Variants in UNC5D observed in about 807,000 individuals in gnomAD.
UNC5D encodes unc-5 netrin receptor D.
Under a neutral mutation model 105.4 loss-of-function variants are expected in UNC5D, and 39 were observed. That is an observed-to-expected ratio of 0.37 (90% CI 0.29 to 0.48). UNC5D has a LOEUF of 0.48. Ranked by LOEUF, UNC5D falls within the 20% of genes least tolerant of loss-of-function variation. UNC5D has a pLI of 0.98. For missense variants in UNC5D, 991 were observed against 1,202.4 expected, an observed-to-expected ratio of 0.82 and a Z score of 2.60; for synonymous variants, 452 against 450.4, an observed-to-expected ratio of 1.00 and a Z score of -0.04.
intron 1 of UNC5D, among the ~76,000 whole-genome samples, chr8:35,316,176 T>C (rs1809292675): frequency 1.3e-5 from 2 of 152,236 alleles, no homozygotes; most frequent in Admixed American, 1.3e-4. Flanking sequence ...ATTAAGGAAA[T>C]ACGTGGAAAA....
chr8:35,475,567 C>T (rs1364082606), intron 1 of UNC5D, among the ~76,000 whole-genome samples: 1 of 152,154 alleles, frequency 6.6e-6, no homozygotes, highest in Non-Finnish European at 1.5e-5. Context: ...GCTGTTTTTG[C>T]CAGTACTGGC....
intron 11 of UNC5D, among the ~76,000 whole-genome samples, chr8:35,747,097 TG>T (rs1830047153): frequency 6.6e-6 from 1 of 152,220 alleles, no homozygotes; most frequent in African/African-American, 2.4e-5. Flanking sequence ...TTTTGGACTG[TG>T]GTTACTTTTG....
intron 10 of UNC5D, chr8:35,726,880 C>G (rs1392207227): frequency 1.1e-5 from 3 of 277,174 alleles, no homozygotes; most frequent in Non-Finnish European, 2.1e-5. Context: ...CATGACAGAC[C>G]AGGGCCCCAT....
At chr8:35,633,049 A>G (rs963061622) in intron 4 of UNC5D, among the ~76,000 whole-genome samples, 3 of 152,150 alleles carry the variant, frequency 2.0e-5, no homozygotes, top group Admixed American at 1.3e-4. Context: ...TGTCCCTGGT[A>G]ATTTCCTCCA....
At chr8:35,259,747 CTT>C (rs75188468) in intron 1 of UNC5D, among the ~76,000 whole-genome samples, 27 of 137,770 alleles carry the variant, frequency 2.0e-4, no homozygotes, top group African/African-American at 1.6e-4. Flanking sequence ...GCTGACTGAT[CTT>C]TTTTTTTTTT....
At chr8:35,456,224 G>T (rs943669952) in intron 1 of UNC5D, among the ~76,000 whole-genome samples, 4 of 152,026 alleles carry the variant, frequency 2.6e-5, no homozygotes, top group Non-Finnish European at 5.9e-5. Context: ...TTCCAATCCG[G>T]ATTACTAAAC....
At chr8:35,468,785 GAAAACA>G in intron 1 of UNC5D, among the ~76,000 whole-genome samples, 1 of 152,256 alleles carries the variant, frequency 6.6e-6, no homozygotes, top group African/African-American at 2.4e-5. Flanking sequence ...TGGTGTCATT[GAAAACA>G]CCTCCTGGCA....
chr8:35,591,110 T>G (rs1318400531), intron 3 of UNC5D, among the ~76,000 whole-genome samples: 1 of 152,286 alleles, frequency 6.6e-6, no homozygotes, highest in East Asian at 1.9e-4. Context: ...ATTGGTTAGT[T>G]TATTTTACAA....
intron 1 of UNC5D, among the ~76,000 whole-genome samples, chr8:35,327,716 G>C (rs910829872): frequency 6.6e-6 from 1 of 152,302 alleles, no homozygotes; most frequent in Non-Finnish European, 1.5e-5. Flanking sequence ...TGCAGTTGTA[G>C]AGCTGTGACT....
At chr8:35,573,101 C>T (rs1047856818) in intron 3 of UNC5D, among the ~76,000 whole-genome samples, 7 of 152,186 alleles carry the variant, frequency 4.6e-5, no homozygotes, top group South Asian at 2.1e-4. Flanking sequence ...CCGCGCCTAG[C>T]GCAATTTTAT....
At chr8:35,535,944 A>G (rs1257987680) in intron 1 of UNC5D, among the ~76,000 whole-genome samples, 1 of 152,222 alleles carries the variant, frequency 6.6e-6, no homozygotes, top group Non-Finnish European at 1.5e-5. Flanking sequence ...GGAAGAATAT[A>G]GAAGCTAAGG....
intron 4 of UNC5D, among the ~76,000 whole-genome samples, chr8:35,601,143 T>A (rs1819852249): frequency 6.6e-6 from 1 of 152,198 alleles, no homozygotes; most frequent in African/African-American, 2.4e-5. Context: ...GGCTCCGTTC[T>A]GTTCCATTGT....
At chr8:35,482,849 C>T (rs1381962818) in intron 1 of UNC5D, among the ~76,000 whole-genome samples, 2 of 130,756 alleles carry the variant, frequency 1.5e-5, no homozygotes, top group Non-Finnish European at 3.1e-5. Context: ...GTCCCCCAGG[C>T]TGGAGAGTGA....
At chr8:35,642,531 T>C (rs1046663262) in intron 4 of UNC5D, among the ~76,000 whole-genome samples, 1 of 152,048 alleles carries the variant, frequency 6.6e-6, no homozygotes, top group African/African-American at 2.4e-5. Context: ...ACTCAGGCTT[T>C]AAGTAGGGGG....
chr8:35,458,180 C>G (rs1808629329), intron 1 of UNC5D, among the ~76,000 whole-genome samples: 1 of 152,156 alleles, frequency 6.6e-6, no homozygotes, highest in Non-Finnish European at 1.5e-5. Flanking sequence ...AGAGGTTGCC[C>G]AGGGCAAGCT....
chr8:35,717,556 C>T (rs922672557), intron 8 of UNC5D, among the ~76,000 whole-genome samples: 1 of 152,060 alleles, frequency 6.6e-6, no homozygotes, highest in Non-Finnish European at 1.5e-5. Flanking sequence ...CCAGCTTTGG[C>T]CAAAAAACTA....
intron 1 of UNC5D, among the ~76,000 whole-genome samples, chr8:35,368,754 G>A (rs1191831428): frequency 2.0e-5 from 3 of 152,042 alleles, no homozygotes; most frequent in East Asian, 1.9e-4. Context: ...AAGAGGTCAC[G>A]TGGGTGGTAC....
chr8:35,245,359 G>T (rs1803028213), intron 1 of UNC5D, among the ~76,000 whole-genome samples: 1 of 152,046 alleles, frequency 6.6e-6, no homozygotes, highest in South Asian at 2.1e-4. Flanking sequence ...TAAGCCTTTT[G>T]AAAGGAACTG....
chr8:35,403,760 T>G (rs978626300), intron 1 of UNC5D, among the ~76,000 whole-genome samples: 3 of 152,200 alleles, frequency 2.0e-5, no homozygotes, highest in African/African-American at 7.2e-5. Context: ...AAAATTCTGC[T>G]GCTAATATAG....
Sources: allele counts gnomAD v4.1 joint callset (sites outside exome capture counted in the v4.1 genomes callset), GRCh38; gene constraint gnomAD v4.1.1; transcripts MANE v1.5; gene names NCBI Gene and HGNC (gene_info 2026-07-23, HGNC 2026-07-21).